Variants in ARHGEF3 observed in about 807,000 individuals in gnomAD.
ARHGEF3 encodes the protein Rho guanine nucleotide exchange factor 3, also known as 59.8 kDA protein.
ARHGEF3 carries 28 observed loss-of-function variants against 63.2 expected under a neutral mutation model. That is an observed-to-expected ratio of 0.44 (90% CI 0.33 to 0.61). The LOEUF is 0.61. Among genes scored for constraint, ARHGEF3 ranks in the 20% least tolerant of loss-of-function variants. The pLI is 0.03. For missense variants in ARHGEF3, 533 were observed against 659.3 expected (o/e 0.81, Z 2.10); for synonymous variants, 266 against 254.2 (o/e 1.05, Z -0.44).
chr3:56,964,272 G>A (rs1700397652), intron 2 of ARHGEF3, among the ~76,000 whole-genome samples: 2 of 149,404 alleles, frequency 1.3e-5, no homozygotes, highest in African/African-American at 4.9e-5. Context: ...AGAATCACTT[G>A]AACCCGGGAG....
At chr3:56,764,480 T>C (rs2035589912) in intron 2 of ARHGEF3, among the ~76,000 whole-genome samples, 1 of 152,138 alleles carries the variant, frequency 6.6e-6, no homozygotes, top group African/African-American at 2.4e-5. Flanking sequence ...AACTTTGACT[T>C]TTTGTGATAA....
rs2037679155 is a variant in ARHGEF3 at position 56,801,946 on chromosome 3, G to C, written c.-148C>G. 7 of 1,518,928 alleles carry C rather than the reference G, an allele frequency of 4.6e-6. No individual in the cohort carries two copies. The highest frequency in any genetic ancestry group is 5.1e-5 in the East Asian group (2 of 39,556). The allele number at this position is 1,518,928 out of a possible 1,614,324, so 94.1% of individuals were successfully genotyped here. On this transcript the variant is annotated 5_prime_UTR_variant, in exon 1 of 10. Coordinates refer to ENST00000296315, the MANE Select transcript of ARHGEF3 (RefSeq NM_019555.3). ...GCCGGCTTCTAGCCGGGCAGGACTC[G>C]ACTGGGCTCCGGAGCCGAGTGGGCG...
intron 2 of ARHGEF3, among the ~76,000 whole-genome samples, chr3:56,761,014 G>T (rs758242499): frequency 6.6e-6 from 1 of 152,184 alleles, no homozygotes; most frequent in Admixed American, 6.5e-5. Context: ...ACTGACACCT[G>T]TAAGTCTAGC....
intron 3 of ARHGEF3, among the ~76,000 whole-genome samples, chr3:56,901,555 G>C (rs76705303): frequency 4.6e-5 from 7 of 151,184 alleles, no homozygotes; most frequent in African/African-American, 1.7e-4. Flanking sequence ...GGGGAATACA[G>C]GGCTAAGTTT....
intron 2 of ARHGEF3, among the ~76,000 whole-genome samples, chr3:56,994,064 C>CAAAAAAAAAAAAAAAAAAAAACA (rs60299557): frequency 1.7e-5 from 1 of 59,722 alleles, no homozygotes; most frequent in Non-Finnish European, 3.3e-5. Context: ...AACTTCGTCT[C>CAAAAAAAAAAAAAAAAAAAAACA]AAAAAAAAAA....
intron 1 of ARHGEF3, among the ~76,000 whole-genome samples, chr3:57,072,439 G>GA (rs1705960881): frequency 8.3e-6 from 1 of 119,870 alleles, no homozygotes; most frequent in African/African-American, 2.7e-5. Context: ...GCCAAATAAA[G>GA]AATTAAAAAA....
At chr3:56,862,352 A>G (rs1001210853) in intron 4 of ARHGEF3, among the ~76,000 whole-genome samples, 1 of 152,152 alleles carries the variant, frequency 6.6e-6, no homozygotes, top group African/African-American at 2.4e-5. Flanking sequence ...ACATTTTTTA[A>G]AAGGGTGGGG....
At chr3:56,958,777 C>T in intron 3 of ARHGEF3, 1 of 1,516,870 alleles carries the variant, frequency 6.6e-7, no homozygotes, top group Non-Finnish European at 9.0e-7. Context: ...AGCATGTATC[C>T]ATAATAGGAC....
intron 7 of ARHGEF3, among the ~76,000 whole-genome samples, chr3:56,739,757 TA>T (rs1312704238): frequency 6.6e-6 from 1 of 152,194 alleles, no homozygotes; most frequent in Non-Finnish European, 1.5e-5. Flanking sequence ...AGCAACTGGG[TA>T]AAAACTGTTA....
At chr3:56,893,379 T>C (rs2041187451) in intron 3 of ARHGEF3, among the ~76,000 whole-genome samples, 1 of 152,186 alleles carries the variant, frequency 6.6e-6, no homozygotes, top group South Asian at 2.1e-4. Context: ...GGATCTGTTT[T>C]TGTTGCCTAG....
intron 3 of ARHGEF3, among the ~76,000 whole-genome samples, chr3:56,882,901 T>C (rs950039601): frequency 1.3e-5 from 2 of 152,250 alleles, no homozygotes; most frequent in Admixed American, 6.5e-5. Flanking sequence ...ACTATTCTTA[T>C]GCTTGCTGTC....
rs1287440102 is a variant in ARHGEF3 at position 56,799,330 on chromosome 3, A to T, written c.96+2373T>A. On this transcript the variant is annotated intron_variant, in intron 1 of 9. Coordinates refer to ENST00000296315, the MANE Select transcript of ARHGEF3 (RefSeq NM_019555.3). Reference sequence around the variant, plus strand: ...CTGTGTGCACTGTCCTACCCAAGGCAAATTCGGAAGGAACAGCCATTACAC... The same window carrying T: ...CTGTGTGCACTGTCCTACCCAAGGCTAATTCGGAAGGAACAGCCATTACAC... Among the ~76,000 whole-genome samples, 3 of 152,196 alleles carry T rather than the reference A, an allele frequency of 2.0e-5. No individual in the cohort carries two copies. In the East Asian group the frequency reaches 5.8e-4, roughly 29 times the overall value.
At chr3:57,073,840 G>A in intron 1 of ARHGEF3, 1 of 1,614,218 alleles carries the variant, frequency 6.2e-7, no homozygotes, top group Non-Finnish European at 8.5e-7. Flanking sequence ...AAACCCCACT[G>A]TGCACTGGCA....
chr3:56,873,946 C>T (rs2040510204), intron 4 of ARHGEF3, among the ~76,000 whole-genome samples: 1 of 152,194 alleles, frequency 6.6e-6, no homozygotes, highest in Admixed American at 6.5e-5. Context: ...TGCTGACTTA[C>T]ACTTTGTTAT....
Position 56,933,611 on chromosome 3 carries a change from G to A in ARHGEF3, c.129+25212C>T, listed in dbSNP as rs182998127. Among the ~76,000 whole-genome samples the A allele has an allele frequency of 1.6e-4, 25 of 152,138 alleles. No individual in the cohort carries two copies. The East Asian group carries it at 4.8e-3, about 29-fold the overall frequency. ...ATTTTTGTATTTTTTGTAGAGACAG[G>A]ATTTCACGATGTTACCCAGGCTGGT... is the stretch of plus-strand genomic sequence containing the variant. On this transcript the variant is annotated intron_variant, in intron 3 of 12. Transcript: ENST00000338458.
At chr3:57,045,149 C>T (rs1362321148) in intron 1 of ARHGEF3, among the ~76,000 whole-genome samples, 1 of 152,168 alleles carries the variant, frequency 6.6e-6, no homozygotes, top group Non-Finnish European at 1.5e-5. Flanking sequence ...CACCTGTAAT[C>T]CCAGCTACTG....
intron 2 of ARHGEF3, among the ~76,000 whole-genome samples, chr3:56,756,516 G>C (rs1473651861): frequency 6.7e-6 from 1 of 149,234 alleles, no homozygotes; most frequent in Admixed American, 6.7e-5. Flanking sequence ...TTCTCTTCCT[G>C]GAATGTGTTT....
chr3:56,860,404 A>G (rs1559999958), intron 4 of ARHGEF3, among the ~76,000 whole-genome samples: 1 of 152,128 alleles, frequency 6.6e-6, no homozygotes, highest in African/African-American at 2.4e-5. Context: ...GCTGGTCTCT[A>G]GCTCCTGGCC....
At chr3:56,832,225 G>A (rs1473172313) in intron 4 of ARHGEF3, among the ~76,000 whole-genome samples, 1 of 152,216 alleles carries the variant, frequency 6.6e-6, no homozygotes, top group East Asian at 1.9e-4. Flanking sequence ...TTCAAAAAAG[G>A]TGAAAAATCA....
Sources: allele counts gnomAD v4.1 joint callset (sites outside exome capture counted in the v4.1 genomes callset), GRCh38; gene constraint gnomAD v4.1.1; transcripts MANE v1.5; gene names NCBI Gene and HGNC (gene_info 2026-07-23, HGNC 2026-07-21).